DCC: variants seen among roughly 807,000 people sequenced by gnomAD.
DCC encodes the protein netrin receptor DCC.
DCC carries 58 observed loss-of-function variants against 172.5 expected under a neutral mutation model. The ratio of observed to expected loss-of-function variants is 0.34; its 90% CI spans 0.27 to 0.42. DCC has a LOEUF of 0.42. Ranked by LOEUF, DCC falls within the 10% of genes least tolerant of loss-of-function variation. DCC has a pLI of 1.00. For missense variants in DCC, 1,740 were observed against 1,791.0 expected, an observed-to-expected ratio of 0.97 and a Z score of 0.51; for synonymous variants, 709 against 644.5, an observed-to-expected ratio of 1.10 and a Z score of -1.52.
chr18:52,949,400 A>G (rs2145543783), intron 5 of DCC, among the ~76,000 whole-genome samples: 1 of 152,296 alleles, frequency 6.6e-6, no homozygotes, highest in South Asian at 2.1e-4. Flanking sequence ...TCCTGCCCCT[A>G]CTTAGGGGCA....
At chr18:53,017,235 G>T (rs969930025) in intron 5 of DCC, among the ~76,000 whole-genome samples, 4 of 151,832 alleles carry the variant, frequency 2.6e-5, no homozygotes, top group African/African-American at 9.7e-5. Context: ...GCCAAAGTTG[G>T]GTGAAGGGTT....
intron 1 of DCC, among the ~76,000 whole-genome samples, chr18:52,553,169 T>C (rs1175635528): frequency 1.3e-5 from 2 of 152,096 alleles, no homozygotes; most frequent in African/African-American, 4.8e-5. Context: ...GAAATGTATG[T>C]GTATATATAG....
chr18:52,782,286 G>A (rs1184143268), intron 2 of DCC, among the ~76,000 whole-genome samples: 1 of 152,080 alleles, frequency 6.6e-6, no homozygotes, highest in Non-Finnish European at 1.5e-5. Context: ...AGACTGCCAG[G>A]CAGGAGTTTT....
chr18:53,428,103 TATA>T (rs568594254), intron 21 of DCC, among the ~76,000 whole-genome samples: 1 of 7,400 alleles, frequency 1.4e-4, no homozygotes, highest in East Asian at 1.8e-3. Flanking sequence ...TAATATATAA[TATA>T]ATATAATAAT....
chr18:52,709,711 G>C (rs2036264158), intron 1 of DCC, among the ~76,000 whole-genome samples: 1 of 152,134 alleles, frequency 6.6e-6, no homozygotes, highest in Non-Finnish European at 1.5e-5. Context: ...GTTACTGGAG[G>C]AATCATTATG....
intron 27 of DCC, among the ~76,000 whole-genome samples, chr18:53,520,100 G>A (rs2046382933): frequency 6.6e-6 from 1 of 152,096 alleles, no homozygotes; most frequent in East Asian, 1.9e-4. Context: ...TCTGAAAGCA[G>A]TGTAGAAAAA....
intron 8 of DCC, among the ~76,000 whole-genome samples, chr18:53,163,213 T>C (rs1000799909): frequency 6.6e-6 from 1 of 152,192 alleles, no homozygotes; most frequent in Non-Finnish European, 1.5e-5. Flanking sequence ...CATAAACTGA[T>C]CAGAACTGAT....
chr18:52,486,025 C>T (rs1033165106), intron 1 of DCC, among the ~76,000 whole-genome samples: 2 of 152,078 alleles, frequency 1.3e-5, no homozygotes, highest in African/African-American at 4.8e-5. Flanking sequence ...GAGACAGGGT[C>T]TTGTTCTGTC....
intron 3 of DCC, among the ~76,000 whole-genome samples, chr18:52,908,577 T>A (rs962261392): frequency 1.3e-5 from 2 of 151,376 alleles, no homozygotes; most frequent in African/African-American, 2.4e-5. Flanking sequence ...AGGAATCAAG[T>A]TGAACTAATG....
intron 1 of DCC, among the ~76,000 whole-genome samples, chr18:52,607,790 T>A (rs1024576135): frequency 2.0e-5 from 3 of 152,162 alleles, no homozygotes; most frequent in Non-Finnish European, 4.4e-5. Flanking sequence ...TAAAATGCTG[T>A]GTAAAAATGA....
chr18:53,181,092 ACT>A (rs935423799), intron 9 of DCC, among the ~76,000 whole-genome samples: 114 of 152,120 alleles, frequency 7.5e-4, no homozygotes, highest in African/African-American at 2.6e-3. Flanking sequence ...CAATTTAAAA[ACT>A]CTTGAAAAAT....
chr18:53,385,920 C>T (rs1351517143), intron 15 of DCC, 123 bp from the exon 16 acceptor site: 1 of 735,446 alleles, frequency 1.4e-6, no homozygotes, highest in South Asian at 1.5e-5. Context: ...ATCCAACTCA[C>T]TCATTCTTAA....
chr18:52,516,124 A>G (rs2031632961), intron 1 of DCC, among the ~76,000 whole-genome samples: 1 of 152,106 alleles, frequency 6.6e-6, no homozygotes, highest in South Asian at 2.1e-4. Context: ...GAGAAACTGG[A>G]TCACCCCTAG....
chr18:52,431,564 T>C (rs1452721639), intron 1 of DCC, among the ~76,000 whole-genome samples: 1 of 152,142 alleles, frequency 6.6e-6, no homozygotes, highest in Non-Finnish European at 1.5e-5. Flanking sequence ...AAAAGTATTG[T>C]TCGTCTTAAA....
intron 12 of DCC, among the ~76,000 whole-genome samples, chr18:53,274,550 T>G (rs1055840074): frequency 6.6e-6 from 1 of 152,170 alleles, no homozygotes; most frequent in Non-Finnish European, 1.5e-5. Context: ...ATGTGTCTCA[T>G]GATGCCACTG....
At chr18:53,526,534 TC>T in intron 27 of DCC, 82 bp from the exon 28 acceptor site, 1 of 1,406,432 alleles carries the variant, frequency 7.1e-7, no homozygotes, top group Non-Finnish European at 1.0e-6. Context: ...AATGCCAATC[TC>T]CTGGATATGG....
intron 13 of DCC, 96 bp downstream of exon 13, chr18:53,305,815 T>A: frequency 7.5e-7 from 1 of 1,330,198 alleles, no homozygotes. Flanking sequence ...TTGATTTTCT[T>A]CCTGGCATCC....
At chr18:52,978,783 A>G (rs144008486) in intron 5 of DCC, among the ~76,000 whole-genome samples, 1 of 152,186 alleles carries the variant, frequency 6.6e-6, no homozygotes, top group African/African-American at 2.4e-5. Flanking sequence ...TTGCATACCC[A>G]TGGCTTATTT....
chr18:53,012,969 A>T (rs566006146), intron 5 of DCC, among the ~76,000 whole-genome samples: 4 of 152,224 alleles, frequency 2.6e-5, no homozygotes, highest in Non-Finnish European at 5.9e-5. Context: ...ATATGTGAAA[A>T]ATAGTTCATT....
Sources: gnomAD v4.1 joint callset for allele counts (sites outside exome capture counted in the v4.1 genomes callset) on GRCh38, gnomAD v4.1.1 for gene constraint, MANE v1.5 for transcripts, NCBI Gene and HGNC (gene_info 2026-07-23, HGNC 2026-07-21) for gene names.